The following INHBA variants were observed in gnomAD, a reference collection of about 807,000 sequenced individuals.
INHBA encodes inhibin subunit beta A, also known as inhibin beta A chain.
INHBA carries 1 observed loss-of-function variant against 29.0 expected under a neutral mutation model. The ratio of observed to expected loss-of-function variants is 0.03; its 90% confidence interval spans 0.01 to 0.16. The LOEUF (loss-of-function observed/expected upper bound fraction) is 0.16, where lower values mean the gene tolerates loss of function less well. Among genes scored for constraint, INHBA ranks in the 10% least tolerant of loss-of-function variants. The probability of loss-of-function intolerance (pLI) is 1.00; values close to 1 mark genes in which losing one functional copy is unlikely to be tolerated. For missense variants in INHBA, 376 were observed against 545.4 expected (o/e 0.69, Z 3.09); for synonymous variants, 242 against 216.8 (o/e 1.12, Z -1.02).
In INHBA at chr7:41,689,893, A is replaced by G. The variant is rs141736159; in HGVS notation, c.1038T>C (p.His346=). ...GGCACTCACCCTCGCAGTAGTTGGC[A>G]TGATAGCCAGAGGGAGCAATGATCC... ...NDWIIAPSGY[H]ANYCEGECPS... Residue 346 remains histidine (H), a synonymous_variant, in exon 3 of 3, where the codon CAT becomes CAC. Coordinates refer to ENST00000242208, the MANE Select transcript of INHBA (RefSeq NM_002192.4). 59 of 1,613,948 alleles carry G rather than the reference A, an allele frequency of 3.7e-5. No individual in the cohort carries two copies. The highest frequency in any genetic ancestry group is 1.6e-4 in the Middle Eastern group (1 of 6,084).
At chr7:41,704,393 G>A (rs1391523072), upstream of INHBA, among the ~76,000 whole-genome samples, 1 of 152,064 alleles carries the variant, frequency 6.6e-6, no homozygotes, top group African/African-American at 2.4e-5. Flanking sequence ...GAGTGAATCT[G>A]AGTGGCGAAG....
Position 41,689,313 on chromosome 7 carries a change from C to T in INHBA, c.*337G>A, listed in dbSNP as rs1323612689. On this transcript the variant is annotated 3_prime_UTR_variant, in exon 3 of 3. Transcript: ENST00000242208. ...GGTTGATTCAAGGCTCACAAGGGAA[C>T]CTCAAGGGGGGAAAGGACAATACCC... 8 of 275,560 alleles carry T rather than the reference C, an allele frequency of 2.9e-5. No homozygotes were observed. Among genetic ancestry groups the T allele is most frequent in the African/African-American group, 1.7e-4 (8 of 46,244 alleles). 17.1% of individuals were successfully genotyped at this position (275,560 alleles called of 1,614,324 possible). A position where few individuals can be genotyped will look rare whatever the true frequency, so the allele number is the denominator to read the frequency against.
chr7:41,690,466 G>C lies in INHBA; in HGVS notation c.465C>G (p.Val155=), dbSNP rs1210983682. 3.7e-6 allele frequency: 6 copies of C among 1,613,956 alleles called. No homozygotes were observed. Among genetic ancestry groups the C allele is most frequent in the Non-Finnish European group, 5.1e-6 (6 of 1,180,030 alleles). The change falls in exon 3 of 3, where the codon GTC becomes GTG. Residue 155 remains valine (V), a synonymous_variant. Transcript: ENST00000242208. ...SDLSVVERAE[V]WLFLKVPKAN... ...CCTTGGGGACTTTTAGGAAGAGCCAGACTTCTGCACGCTCCACCACTGACA... is the reference window on the plus strand; with the variant it reads ...CCTTGGGGACTTTTAGGAAGAGCCACACTTCTGCACGCTCCACCACTGACA...
At position 41,686,286 on chromosome 7, in the gene INHBA, T is replaced by C. The variant is rs1387752954; in HGVS notation, c.*3364A>G. 1 of 152,144 alleles carries C rather than the reference T, an allele frequency of 6.6e-6. No individual in the cohort carries two copies. Among genetic ancestry groups the C allele is most frequent in the Admixed American group, 6.5e-5 (1 of 15,272 alleles). The allele number at this position is 152,144 out of a possible 1,614,324, so 9.4% of individuals were successfully genotyped here. Reference sequence around the variant, plus strand: ...TAAAATACATGTTACTATTAAAAGATATTTAAAGACAAATTCTTTTCAGAG... The same window carrying C: ...TAAAATACATGTTACTATTAAAAGACATTTAAAGACAAATTCTTTTCAGAG... On this transcript the variant is annotated 3_prime_UTR_variant, in exon 3 of 3. Transcript: ENST00000242208.
chr7:41,700,136 T>G lies in INHBA; in HGVS notation c.239A>C (p.Lys80Thr), dbSNP rs1339554915. The G allele has an allele frequency of 1.2e-6, 2 of 1,614,010 alleles. No individual in the cohort carries two copies. Among genetic ancestry groups the G allele is most frequent in the Non-Finnish European group, 1.7e-6 (2 of 1,180,032 alleles). The stretch of plus-strand genomic sequence containing the variant: ...TCTGATCGCGTTCAGAAGCGCCGCC[T>G]TGGGTACCGGCTGGGTGACATCGGG... ...KRPDVTQPVPKAALLNAIRKL... is the reference protein window; with the variant it reads ...KRPDVTQPVPTAALLNAIRKL... The change falls in exon 2 of 3, where the codon AAG (lysine) becomes ACG (threonine). Residue 80 changes from lysine (K) to threonine (T), a missense_variant. Transcript: ENST00000242208.
chr7:41,700,339 T>C lies in INHBA; in HGVS notation c.36A>G (p.Ala12=). 1 of 1,504,594 alleles carries C rather than the reference T, an allele frequency of 6.6e-7. No individual in the cohort carries two copies. 93.2% of individuals were successfully genotyped at this position (1,504,594 alleles called of 1,614,324 possible). A position where few individuals can be genotyped will look rare whatever the true frequency, so the allele number is the denominator to read the frequency against. ...PLLWLRGFLL[A]SCWIIVRSSP... is the part of the protein sequence containing the mutation. ...AACTCCTCACTATAATCCAGCAACT[T>C]GCCAACAGAAATCCTCTCAGCCAAA... is the stretch of plus-strand genomic sequence containing the variant. The change falls in exon 2 of 3, where the codon GCA becomes GCG. Residue 12 remains alanine (A), a synonymous_variant. Coordinates refer to ENST00000242208, the MANE Select transcript of INHBA (RefSeq NM_002192.4).
intron 2 of INHBA, among the ~76,000 whole-genome samples, chr7:41,695,974 G>A (rs538114236): frequency 1.3e-5 from 2 of 152,110 alleles, no homozygotes; most frequent in South Asian, 2.1e-4. Flanking sequence ...TTCCACCCTG[G>A]CATCTCCACC....
In INHBA at chr7:41,685,785, T is replaced by C. The variant is rs1467105217; in HGVS notation, c.*3865A>G. On this transcript the variant is annotated 3_prime_UTR_variant, in exon 3 of 3. Transcript: ENST00000242208. ...TGTGAACAGCTTCTAAGCATTCATT[T>C]TCTCTGACCCATACAACAGCTTCTC... 6.6e-6 allele frequency: 1 copy of C among 152,166 alleles called. No individual in the cohort carries two copies. The highest frequency in any genetic ancestry group is 2.4e-5 in the African/African-American group (1 of 41,454). 9.4% of individuals were successfully genotyped at this position (152,166 alleles called of 1,614,324 possible).
intron 2 of INHBA, 102 bp downstream of exon 2, chr7:41,699,885 C>G: frequency 1.2e-6 from 1 of 863,874 alleles, no homozygotes; most frequent in Non-Finnish European, 1.8e-6. Flanking sequence ...CAGGCAGTTT[C>G]CAGCTGAAGG....
rs1431591272 is a variant in INHBA, at chr7:41,686,228, G to T, written c.*3422C>A. Reference sequence around the variant, plus strand: ...GTGCTGAAATTCACCTGACTTTTTTGGAAAAAATAGTCGAAAATGTCAATT... The same window carrying T: ...GTGCTGAAATTCACCTGACTTTTTTTGAAAAAATAGTCGAAAATGTCAATT... On this transcript the variant is annotated 3_prime_UTR_variant, in exon 3 of 3. Coordinates refer to ENST00000242208, the MANE Select transcript of INHBA (RefSeq NM_002192.4). 6.6e-6 allele frequency: 1 copy of T among 151,788 alleles called. No homozygotes were observed. Among genetic ancestry groups the T allele is most frequent in the Non-Finnish European group, 1.5e-5 (1 of 67,904 alleles). The allele number at this position is 151,788 out of a possible 1,614,324, so 9.4% of individuals were successfully genotyped here. A position where few individuals can be genotyped will look rare whatever the true frequency, so the allele number is the denominator to read the frequency against.
chr7:41,694,672 G>T (rs959539289), intron 2 of INHBA, among the ~76,000 whole-genome samples: 1 of 152,136 alleles, frequency 6.6e-6, no homozygotes, highest in Non-Finnish European at 1.5e-5. Context: ...CCCTCCCGAG[G>T]CTTGTGAGCA....
rs1554287269 is a variant in INHBA at position 41,700,474 on chromosome 7, T to TTA, written c.-101_-100insTA. The TTA allele has an allele frequency of 2.1e-5, 25 of 1,213,184 alleles. No individual in the cohort carries two copies. The highest frequency in any genetic ancestry group is 2.6e-5 in the Non-Finnish European group (24 of 915,526). The allele number at this position is 1,213,184 out of a possible 1,614,324, so 75.2% of individuals were successfully genotyped here. On this transcript the variant is annotated 5_prime_UTR_variant, in exon 2 of 3. Coordinates refer to ENST00000242208, the MANE Select transcript of INHBA (RefSeq NM_002192.4). ...TTGTGTGTGTGGATTTTTTTATTTT[T>TTA]TTTTTTGGTGTTTTTTTTTTCCTTC...
chr7:41,695,508 C>A (rs1794626375), intron 2 of INHBA, among the ~76,000 whole-genome samples: 1 of 152,208 alleles, frequency 6.6e-6, no homozygotes, highest in Non-Finnish European at 1.5e-5. Flanking sequence ...GGTTATTCCT[C>A]CTTTGACCTA....
chr7:41,701,487 A>G lies in INHBA; in HGVS notation c.-143-970T>C, dbSNP rs529263199. Among the ~76,000 whole-genome samples the G allele has an allele frequency of 3.3e-5, 5 of 151,942 alleles. No homozygotes were observed. The South Asian group carries it at 1.0e-3, about 32-fold the overall frequency. On this transcript the variant is annotated intron_variant, in intron 1 of 2. Coordinates refer to ENST00000242208, the MANE Select transcript of INHBA (RefSeq NM_002192.4). ...ACTTTTGTTTGGGGTCATATAATACACTCCACTCTTCCCAACTGTGAAATG... is the reference window on the plus strand; with the variant it reads ...ACTTTTGTTTGGGGTCATATAATACGCTCCACTCTTCCCAACTGTGAAATG...
intron 2 of INHBA, among the ~76,000 whole-genome samples, chr7:41,692,847 TAAAAG>T (rs1485925822): frequency 6.6e-6 from 1 of 152,150 alleles, no homozygotes; most frequent in Non-Finnish European, 1.5e-5. Context: ...CTTAACAAAA[TAAAAG>T]AGAAGAAGAT....
At position 41,690,291 on chromosome 7, in the gene INHBA, G is replaced by C; in HGVS notation, c.640C>G (p.Arg214Gly). ...LLLSEKVVDA[R>G]KSTWHVFPVS... ...GGGAAGACATGCCAGGTGCTCTTCC[G>C]AGCGTCTACTACTTTTTCAGAGAGC... is the stretch of plus-strand genomic sequence containing the variant. Residue 214 changes from arginine (R) to glycine (G), a missense_variant, in exon 3 of 3, where the codon CGG becomes GGG. Arg to Gly is a moderately radical substitution (Grantham distance 125, BLOSUM62 -2). This residue lies in a region of INHBA where 253 missense variants were observed against 313.4 expected (regional missense o/e 0.81). Coordinates refer to ENST00000242208, the MANE Select transcript of INHBA (RefSeq NM_002192.4). 1 of 1,613,970 alleles carries C rather than the reference G, an allele frequency of 6.2e-7. No individual in the cohort carries two copies. The highest frequency in any genetic ancestry group is 8.5e-7 in the Non-Finnish European group (1 of 1,179,970).
upstream of INHBA, chr7:41,705,384 T>G (rs1253690449): frequency 6.6e-6 from 1 of 152,242 alleles, no homozygotes; most frequent in Non-Finnish European, 1.5e-5. Context: ...CAAGCCGGTC[T>G]AAGCGGCAGC....
chr7:41,692,331 A>G (rs1043947417), intron 2 of INHBA: 1 of 152,188 alleles, frequency 6.6e-6, no homozygotes, highest in African/African-American at 2.4e-5. Flanking sequence ...CTGGATTTCT[A>G]TAGTTAACGG....
At position 41,688,310 on chromosome 7, in the gene INHBA, T is replaced by C. The variant is rs1316729747; in HGVS notation, c.*1340A>G. On this transcript the variant is annotated 3_prime_UTR_variant, in exon 3 of 3. Coordinates refer to ENST00000242208, the MANE Select transcript of INHBA (RefSeq NM_002192.4). The stretch of plus-strand genomic sequence containing the variant: ...TGATTGAACTTGATATCCAACAGTG[T>C]ACAACTACTGTACATCCAGTATGAA... 6.6e-6 allele frequency: 1 copy of C among 152,144 alleles called. No homozygotes were observed. Among genetic ancestry groups the C allele is most frequent in the Non-Finnish European group, 1.5e-5 (1 of 68,032 alleles). The allele number at this position is 152,144 out of a possible 1,614,324, so 9.4% of individuals were successfully genotyped here. A position where few individuals can be genotyped will look rare whatever the true frequency, so the allele number is the denominator to read the frequency against.
Sources: gnomAD v4.1 joint callset for allele counts (sites outside exome capture counted in the v4.1 genomes callset) on GRCh38, gnomAD v4.1.1 for gene constraint, gnomAD v4.1.1 regional missense constraint, MANE v1.5 for transcripts, NCBI Gene and HGNC (gene_info 2026-07-23, HGNC 2026-07-21) for gene names.